The following FCHO2 variants were observed in gnomAD, a reference collection of about 807,000 sequenced individuals.
FCHO2 encodes the protein FCH and mu domain containing endocytic adaptor 2.
A neutral mutation model predicts 114.1 loss-of-function variants in FCHO2; 43 were observed. The observed-to-expected ratio is 0.38, with a 90% CI of 0.30 to 0.49. The LOEUF (loss-of-function observed/expected upper bound fraction) is 0.49, where lower values mean the gene tolerates loss of function less well. Among genes scored for constraint, FCHO2 ranks in the 20% least tolerant of loss-of-function variants. The pLI, the probability that FCHO2 is intolerant of heterozygous loss-of-function variation, is 0.97. For synonymous variants in FCHO2, 293 were observed against 315.2 expected (o/e 0.93, Z 0.75); for missense variants, 807 against 950.4 (o/e 0.85, Z 1.98).
intron 2 of FCHO2, among the ~76,000 whole-genome samples, chr5:72,984,411 G>A (rs1338046025): frequency 6.6e-6 from 1 of 152,100 alleles, no homozygotes; most frequent in Non-Finnish European, 1.5e-5. Flanking sequence ...GAATTGGGGA[G>A]TATATCCTAT....
At chr5:73,008,812 A>G (rs1754849736) in intron 6 of FCHO2, among the ~76,000 whole-genome samples, 1 of 152,228 alleles carries the variant, frequency 6.6e-6, no homozygotes, top group South Asian at 2.1e-4. Context: ...AACAGATGCC[A>G]CTACAGATCC....
intron 1 of FCHO2, among the ~76,000 whole-genome samples, chr5:72,961,668 C>T (rs561729490): frequency 8.6e-5 from 13 of 151,850 alleles, no homozygotes; most frequent in Non-Finnish European, 1.3e-4. Context: ...GATCTCAGCT[C>T]GCTGCAACCT....
intron 11 of FCHO2, among the ~76,000 whole-genome samples, chr5:73,049,885 GATATATACATAC>G (rs1252433785): frequency 6.6e-6 from 1 of 151,806 alleles, no homozygotes; most frequent in Non-Finnish European, 1.5e-5. Context: ...TATACACATA[GATATATACATAC>G]ATATACATAT....
Position 73,068,656 on chromosome 5 carries a change from C to T in FCHO2, c.1456C>T (p.Pro486Ser). 6.2e-7 allele frequency: 1 copy of T among 1,610,176 alleles called. No homozygotes were observed. The highest frequency in any genetic ancestry group is 2.2e-5 in the East Asian group (1 of 44,696). Residue 486 changes from proline to serine, a missense_variant, in exon 19 of 26, where the codon CCA (proline) becomes TCA (serine). Pro to Ser is a moderately conservative substitution (Grantham distance 74). Transcript: ENST00000430046. ...KLSGINEIPR[P>S]FSPPVTSNTS... ...ATAACTTTTTGTTTTTAAGCCCAGG[C>T]CATTCAGCCCACCTGTAACTTCCAA...
At chr5:73,048,833 CTAACAGAGTATATTTTCA>C (rs1757195598) in intron 11 of FCHO2, among the ~76,000 whole-genome samples, 1 of 149,722 alleles carries the variant, frequency 6.7e-6, no homozygotes, top group Admixed American at 6.6e-5. Context: ...TGCAGCTTCA[CTAACAGAGTATATTTTCA>C]AGCTTATGAA....
At chr5:72,998,761 T>C (rs1754268056) in intron 5 of FCHO2, among the ~76,000 whole-genome samples, 1 of 151,354 alleles carries the variant, frequency 6.6e-6, no homozygotes, top group African/African-American at 2.4e-5. Context: ...AAATAAATGA[T>C]TCTGAGTCTT....
At chr5:72,968,041 C>T (rs1277437415) in intron 1 of FCHO2, among the ~76,000 whole-genome samples, 3 of 151,952 alleles carry the variant, frequency 2.0e-5, no homozygotes, top group Admixed American at 6.6e-5. Flanking sequence ...TCTCCTGCCT[C>T]GGCCTCCCAA....
intron 24 of FCHO2, among the ~76,000 whole-genome samples, chr5:73,083,951 T>C (rs976856540): frequency 4.0e-5 from 6 of 151,758 alleles, no homozygotes; most frequent in Middle Eastern, 3.4e-3. Context: ...AGAACCTTTT[T>C]CCTGTCCATT....
At chr5:73,084,408 G>A (rs1743224376) in intron 24 of FCHO2, among the ~76,000 whole-genome samples, 1 of 152,114 alleles carries the variant, frequency 6.6e-6, no homozygotes, top group Non-Finnish European at 1.5e-5. Context: ...TGGGATTACA[G>A]GCACCTACCA....
intron 5 of FCHO2, among the ~76,000 whole-genome samples, chr5:72,996,569 GTCCCCTTCCCCAATTAATCCT>G (rs1415123665): frequency 9.7e-5 from 7 of 72,314 alleles, no homozygotes; most frequent in African/African-American, 4.2e-4. Context: ...CTCCCCCACT[GTCCCCTTCCCCAATTAATCCT>G]TCCCCTTCCC....
chr5:72,983,547 C>CTTTTTTTTTTTT (rs35592345), intron 2 of FCHO2, among the ~76,000 whole-genome samples: 1 of 112,898 alleles, frequency 8.9e-6, no homozygotes, highest in Non-Finnish European at 1.8e-5. Flanking sequence ...AGTGACAATA[C>CTTTTTTTTTTTT]TTTTTTTTTT....
intron 24 of FCHO2, 103 bp from the exon 25 acceptor site, chr5:73,087,486 A>G: frequency 1.5e-6 from 2 of 1,292,376 alleles, no homozygotes; most frequent in African/African-American, 1.5e-5. Context: ...CATCTAATGA[A>G]TGTAGCACAG....
chr5:73,043,387 A>G (rs894771304), intron 11 of FCHO2, among the ~76,000 whole-genome samples: 2 of 149,244 alleles, frequency 1.3e-5, no homozygotes, highest in African/African-American at 5.0e-5. Context: ...CAGTTATAGT[A>G]ACAAAACTTT....
chr5:73,074,066 A>C (rs941530249), intron 19 of FCHO2, among the ~76,000 whole-genome samples: 5 of 152,214 alleles, frequency 3.3e-5, no homozygotes, highest in Admixed American at 6.6e-5. Flanking sequence ...TAAAACAATA[A>C]ACAGAAACCT....
chr5:73,032,090 A>G (rs145046516), intron 8 of FCHO2, among the ~76,000 whole-genome samples: 2 of 152,322 alleles, frequency 1.3e-5, no homozygotes, highest in East Asian at 1.9e-4. Context: ...GTGACATGCT[A>G]CAGGGGGGGT....
At position 73,054,557 on chromosome 5, in the gene FCHO2, T is replaced by C; in HGVS notation, c.1210+8T>C. 6.5e-7 allele frequency: 1 copy of C among 1,535,844 alleles called. No individual in the cohort carries two copies. Among genetic ancestry groups the C allele is most frequent in the South Asian group, 1.2e-5 (1 of 82,160 alleles). On this transcript the variant is annotated splice_region_variant and intron_variant, in intron 15 of 25. Transcript: ENST00000430046. ...TGAATCGGAATTTGTCTAGTAAGTT[T>C]GACATTTGAATTGTTTATTTTATGT...
intron 2 of FCHO2, among the ~76,000 whole-genome samples, chr5:72,978,977 TA>T (rs58059342): frequency 0.14 from 21,023 of 152,096 alleles, 1,644 homozygotes; most frequent in East Asian, 0.34. Flanking sequence ...TAGTGGTGGA[TA>T]AGCTTTTTGA....
At chr5:73,051,283 T>C in intron 11 of FCHO2, 66 bp from the exon 12 acceptor site, 3 of 1,129,032 alleles carry the variant, frequency 2.7e-6, no homozygotes. Context: ...TGAGGCTACT[T>C]TGATAATCTC....
At position 73,026,779 on chromosome 5, in the gene FCHO2, C is replaced by T. The variant is rs533647675; in HGVS notation, c.797-7878C>T. 7.2e-5 allele frequency among the ~76,000 whole-genome samples: 11 copies of T among 152,202 alleles called. No individual in the cohort carries two copies. In the South Asian group the frequency reaches 2.3e-3, roughly 32 times the overall value. On this transcript the variant is annotated intron_variant, in intron 8 of 25. Transcript: ENST00000430046. ...GATCTCAGGCTCAGTGCAACCTCCA[C>T]CTCCCGGGTTCAAGCAATTCTCATG...
Sources: allele counts gnomAD v4.1 joint callset (sites outside exome capture counted in the v4.1 genomes callset), GRCh38; gene constraint gnomAD v4.1.1; transcripts MANE v1.5; gene names NCBI Gene and HGNC (gene_info 2026-07-23, HGNC 2026-07-21).